CHSY3: variants seen among roughly 807,000 people sequenced by gnomAD.
CHSY3 encodes N-acetylgalactosaminyl-proteoglycan 3-beta-glucuronosyltransferase 3.
Under a neutral mutation model 67.2 loss-of-function variants are expected in CHSY3, and 35 were observed. The observed-to-expected ratio is 0.52, with a 90% CI of 0.40 to 0.69. The LOEUF (loss-of-function observed/expected upper bound fraction) is 0.69, where lower values mean the gene tolerates loss of function less well. CHSY3 is among the 30% of genes least tolerant of loss of function. CHSY3 has a pLI of 0.00. For missense variants in CHSY3, 1,069 were observed against 1,138.5 expected (o/e 0.94, Z 0.88); for synonymous variants, 474 against 434.7 (o/e 1.09, Z -1.12).
chr5:130,061,063 C>G (rs1015206787), intron 2 of CHSY3, among the ~76,000 whole-genome samples: 1 of 151,980 alleles, frequency 6.6e-6, no homozygotes, highest in Non-Finnish European at 1.5e-5. Flanking sequence ...TAAAAAACTC[C>G]TAAAGTTCAT....
At chr5:130,177,330 G>C (rs1770086837) in intron 2 of CHSY3, among the ~76,000 whole-genome samples, 1 of 151,296 alleles carries the variant, frequency 6.6e-6, no homozygotes, top group African/African-American at 2.4e-5. Context: ...CCTTCTTTTT[G>C]CCTTCTGACC....
Position 129,977,083 on chromosome 5 carries a change from C to G in CHSY3, c.1086+68723C>G, listed in dbSNP as rs74904204. On this transcript the variant is annotated intron_variant, in intron 2 of 2. Transcript: ENST00000305031. ...TTATACCTCGAATCTGAAAAATAACCTTATGGTAGAAATTATTAACCCTTC... is the reference window on the plus strand; with the variant it reads ...TTATACCTCGAATCTGAAAAATAACGTTATGGTAGAAATTATTAACCCTTC... Among the ~76,000 whole-genome samples the G allele has an allele frequency of 5.4e-4, 82 of 152,048 alleles. 1 individual carries two copies. The East Asian group carries it at 0.015, about 27-fold the overall frequency.
chr5:129,997,315 C>T (rs557465490), intron 2 of CHSY3, among the ~76,000 whole-genome samples: 1 of 152,168 alleles, frequency 6.6e-6, no homozygotes, highest in South Asian at 2.1e-4. Flanking sequence ...AGCAATGCTA[C>T]CAAGTGTTTA....
intron 2 of CHSY3, among the ~76,000 whole-genome samples, chr5:129,996,807 A>G (rs1436738623): frequency 1.3e-5 from 2 of 152,092 alleles, no homozygotes; most frequent in Non-Finnish European, 2.9e-5. Flanking sequence ...TTGTTTCTTT[A>G]TAATAGCATT....
intron 2 of CHSY3, among the ~76,000 whole-genome samples, chr5:130,161,378 A>G (rs1192784884): frequency 6.6e-6 from 1 of 152,090 alleles, no homozygotes; most frequent in Admixed American, 6.6e-5. Flanking sequence ...CCCTTACATT[A>G]CTCAAATAAA....
At chr5:130,040,825 A>T (rs1467256598) in intron 2 of CHSY3, among the ~76,000 whole-genome samples, 3 of 152,112 alleles carry the variant, frequency 2.0e-5, no homozygotes, top group Non-Finnish European at 4.4e-5. Flanking sequence ...AAACTCTTTC[A>T]GTGTCTATTC....
chr5:129,933,894 G>T (rs1266710177), intron 2 of CHSY3, among the ~76,000 whole-genome samples: 1 of 151,938 alleles, frequency 6.6e-6, no homozygotes, highest in African/African-American at 2.4e-5. Flanking sequence ...TGAAACTCTT[G>T]AACACCAGCT....
intron 2 of CHSY3, among the ~76,000 whole-genome samples, chr5:130,153,942 G>T (rs748702402): frequency 6.6e-6 from 1 of 151,954 alleles, no homozygotes; most frequent in East Asian, 1.9e-4. Flanking sequence ...GTTTGAGACA[G>T]AGTCTCACAC....
At chr5:130,000,598 T>G (rs926343963) in intron 2 of CHSY3, among the ~76,000 whole-genome samples, 16 of 151,922 alleles carry the variant, frequency 1.1e-4, no homozygotes, top group Non-Finnish European at 1.0e-4. Flanking sequence ...CCCACTTTTT[T>G]TTTTTTTTCT....
At chr5:129,981,687 C>T (rs547524101) in intron 2 of CHSY3, among the ~76,000 whole-genome samples, 1 of 152,026 alleles carries the variant, frequency 6.6e-6, no homozygotes, top group Non-Finnish European at 1.5e-5. Context: ...CTGGCCAAAT[C>T]TGTATACTTT....
At chr5:129,951,239 T>G (rs544829515) in intron 2 of CHSY3, among the ~76,000 whole-genome samples, 28 of 152,234 alleles carry the variant, frequency 1.8e-4, no homozygotes, top group African/African-American at 6.7e-4. Flanking sequence ...CTCCCCAAAG[T>G]CAACTCAAAA....
intron 2 of CHSY3, among the ~76,000 whole-genome samples, chr5:130,065,860 C>T (rs1246968056): frequency 1.3e-5 from 2 of 152,100 alleles, no homozygotes; most frequent in East Asian, 1.9e-4. Context: ...ACACAGTCTC[C>T]TCCCCTGTCG....
chr5:129,923,480 A>G (rs1193141371), intron 2 of CHSY3, among the ~76,000 whole-genome samples: 1 of 151,950 alleles, frequency 6.6e-6, no homozygotes, highest in African/African-American at 2.4e-5. Context: ...GTAGCAGTCA[A>G]AAAAAATAGA....
chr5:130,165,524 T>G (rs1769719550), intron 2 of CHSY3, among the ~76,000 whole-genome samples: 1 of 152,100 alleles, frequency 6.6e-6, no homozygotes, highest in African/African-American at 2.4e-5. Context: ...TTTATTTTCT[T>G]GTTTATAGTT....
At chr5:130,001,629 T>G (rs1448311334) in intron 2 of CHSY3, 1 of 847,884 alleles carries the variant, frequency 1.2e-6, no homozygotes, top group Non-Finnish European at 1.4e-6. Flanking sequence ...TTGTTGCTTC[T>G]AGTTAAGGAG....
chr5:130,176,134 G>T (rs567682225), intron 2 of CHSY3, among the ~76,000 whole-genome samples: 2 of 151,794 alleles, frequency 1.3e-5, no homozygotes, highest in East Asian at 3.9e-4. Flanking sequence ...GAATCCATAG[G>T]AACTTAAACA....
rs963518400 is a variant in CHSY3 at position 130,135,813 on chromosome 5, C to G, written c.1087-48416C>G. On this transcript the variant is annotated intron_variant, in intron 2 of 2. Coordinates refer to ENST00000305031, the MANE Select transcript of CHSY3 (RefSeq NM_175856.5). ...GCAAAAGAGGTAGAAGATTGTTTTG[C>G]TACCCTCACTAATCTTCAGTCTCAA... Among the ~76,000 whole-genome samples the G allele has an allele frequency of 2.6e-5, 4 of 152,138 alleles. No homozygotes were observed. In the East Asian group the frequency reaches 7.7e-4, roughly 29 times the overall value.
In CHSY3 at chr5:130,158,175, T is replaced by A. The variant is rs35068834; in HGVS notation, c.1087-26054T>A. Among the ~76,000 whole-genome samples the A allele has an allele frequency of 3.9e-3, 590 of 152,312 alleles. 4 individuals are homozygous for A. The highest frequency in any genetic ancestry group is 6.5e-3 in the Non-Finnish European group (442 of 68,034). ...TCCTATCTCATCCTGTGACTTAGAA[T>A]GGCTAACTCACTGGGAATGCAGTTC... On this transcript the variant is annotated intron_variant, in intron 2 of 2. Coordinates refer to ENST00000305031, the MANE Select transcript of CHSY3 (RefSeq NM_175856.5).
At chr5:130,098,796 G>A (rs1185396723) in intron 2 of CHSY3, among the ~76,000 whole-genome samples, 1 of 152,132 alleles carries the variant, frequency 6.6e-6, no homozygotes, top group African/African-American at 2.4e-5. Flanking sequence ...GAATCATTAA[G>A]ATATTCAGAA....
Sources: gnomAD v4.1 joint callset for allele counts (sites outside exome capture counted in the v4.1 genomes callset) on GRCh38, gnomAD v4.1.1 for gene constraint, MANE v1.5 for transcripts, NCBI Gene and HGNC (gene_info 2026-07-23, HGNC 2026-07-21) for gene names.